The following NMNAT1 variants were observed in gnomAD, a reference collection of about 807,000 sequenced individuals.
The protein encoded by NMNAT1 is nicotinamide nucleotide adenylyltransferase 1, also known as nicotinamide/nicotinic acid mononucleotide adenylyltransferase 1.
Under a neutral mutation model 16.7 loss-of-function variants are expected in NMNAT1, and 11 were observed. The ratio of observed to expected loss-of-function variants is 0.66; its 90% confidence interval spans 0.41 to 1.09. The LOEUF is 1.09. NMNAT1 is among the 50% of genes least tolerant of loss of function. The pLI, the probability that NMNAT1 is intolerant of heterozygous loss-of-function variation, is 0.00. For missense variants in NMNAT1, 280 were observed against 332.3 expected (o/e 0.84, Z 1.22); for synonymous variants, 110 against 119.8 (o/e 0.92, Z 0.53).
the NMNAT1 span, among the ~76,000 whole-genome samples, chr1:9,996,309 CA>C: frequency 0.53 from 53,542 of 101,382 alleles, 10,375 homozygotes; most frequent in Middle Eastern, 0.65. Flanking sequence ...GACTCCGTCT[CA>C]AAAAAAAAAA....
downstream of NMNAT1, among the ~76,000 whole-genome samples, chr1:9,987,145 C>A (rs1557478659): frequency 6.6e-6 from 1 of 151,008 alleles, no homozygotes; most frequent in Non-Finnish European, 1.5e-5. Context: ...TTGCAGTGAG[C>A]CCTGATCATG....
At chr1:9,995,297 G>A in the NMNAT1 span, among the ~76,000 whole-genome samples, 1 of 152,036 alleles carries the variant, frequency 6.6e-6, no homozygotes, top group African/African-American at 2.4e-5. Context: ...TACTTAGAAG[G>A]CTGAGGCAGG....
At chr1:9,963,726 G>A (rs1305745588) in intron 1 of NMNAT1, among the ~76,000 whole-genome samples, 1 of 151,766 alleles carries the variant, frequency 6.6e-6, no homozygotes, top group Non-Finnish European at 1.5e-5. Flanking sequence ...TCTTTTTTGA[G>A]ATGTTTGTAA....
downstream of NMNAT1, among the ~76,000 whole-genome samples, chr1:9,988,165 CTT>C (rs1331578221): frequency 6.6e-6 from 1 of 151,854 alleles, no homozygotes. Flanking sequence ...GCCCAGCTAA[CTT>C]TTGTATTTTT....
chr1:9,991,185 ATTTT>A, the NMNAT1 span, among the ~76,000 whole-genome samples: 1 of 139,654 alleles, frequency 7.2e-6, no homozygotes. Flanking sequence ...AGTCAGCTGA[ATTTT>A]TTTTTTTTTT....
chr1:9,981,626 C>A, intron 4 of NMNAT1: 1 of 156,900 alleles, frequency 6.4e-6, no homozygotes, highest in South Asian at 1.7e-4. Flanking sequence ...CTGCCTTGGC[C>A]TCCCAAAGTG....
the NMNAT1 span, among the ~76,000 whole-genome samples, chr1:9,993,493 A>T: frequency 7.9e-5 from 12 of 151,972 alleles, no homozygotes; most frequent in Admixed American, 2.0e-4. Flanking sequence ...AAAAGAAAAG[A>T]AAAAAGAAAG....
intron 1 of NMNAT1, among the ~76,000 whole-genome samples, chr1:9,970,622 G>A (rs999214879): frequency 6.6e-6 from 1 of 151,616 alleles, no homozygotes; most frequent in Non-Finnish European, 1.5e-5. Flanking sequence ...CTGGGAGGCG[G>A]AGCTTGCAGT....
chr1:9,996,424 G>A, the NMNAT1 span, among the ~76,000 whole-genome samples: 1 of 152,072 alleles, frequency 6.6e-6, no homozygotes, highest in South Asian at 2.1e-4. Context: ...GGTGTTTGTG[G>A]CTAATGTTGT....
intron 1 of NMNAT1, among the ~76,000 whole-genome samples, chr1:9,948,521 C>G (rs1641030342): frequency 6.6e-6 from 1 of 152,086 alleles, no homozygotes; most frequent in Non-Finnish European, 1.5e-5. Context: ...GTGGAGGTTG[C>G]AGTGACTGTG....
At chr1:9,972,366 T>TGGGTGTG in intron 2 of NMNAT1, 178 bp downstream of exon 2, 1 of 494,130 alleles carries the variant, frequency 2.0e-6, no homozygotes, top group Non-Finnish European at 3.7e-6. Flanking sequence ...GAAAATTCAC[T>TGGGTGTG]GTGCCTGTAG....
chr1:9,993,107 TGGA>T, the NMNAT1 span, among the ~76,000 whole-genome samples: 1 of 152,000 alleles, frequency 6.6e-6, no homozygotes, highest in South Asian at 2.1e-4. Flanking sequence ...GTACTGCTGG[TGGA>T]GGAGTAGCCA....
chr1:9,992,186 G>A, the NMNAT1 span, among the ~76,000 whole-genome samples: 2 of 150,790 alleles, frequency 1.3e-5, no homozygotes, highest in Non-Finnish European at 2.9e-5. Context: ...AGGTTCAAGC[G>A]ATCGTCCCAC....
chr1:9,978,379 C>T lies in NMNAT1; in HGVS notation c.299+2604C>T, dbSNP rs149467894. ...TCAAAAAAAAAGATTACTTGTCAGG[C>T]TCCACAGTCCCAGGATGATGGCCTC... On this transcript the variant is annotated intron_variant, in intron 3 of 4. Coordinates refer to ENST00000377205, the MANE Select transcript of NMNAT1 (RefSeq NM_022787.4). Among the ~76,000 whole-genome samples the T allele has an allele frequency of 2.1e-3, 315 of 152,226 alleles. 1 individual carries two copies. Among genetic ancestry groups the T allele is most frequent in the African/African-American group, 7.3e-3 (305 of 41,550 alleles).
chr1:9,957,531 GA>G (rs552978388), intron 1 of NMNAT1, among the ~76,000 whole-genome samples: 130 of 140,570 alleles, frequency 9.2e-4, no homozygotes, highest in African/African-American at 3.3e-3. Flanking sequence ...TTGACCTCGT[GA>G]TCCACGCCTC....
chr1:9,975,596 G>T lies in NMNAT1; in HGVS notation c.120G>T (p.Arg40Ser). ...LAKDYMNGTG[R>S]YTVVKGIISP... ...GAAACCTAACTTTTTATCTAGGAAG[G>T]TACACAGTTGTCAAAGGCATCATCT... Residue 40 changes from arginine to serine, a missense_variant, in exon 3 of 5, where the codon AGG becomes AGT. Arg to Ser is a moderately radical substitution (Grantham distance 110). Transcript: ENST00000377205. 1 of 1,609,412 alleles carries T rather than the reference G, an allele frequency of 6.2e-7. No individual in the cohort carries two copies. Among genetic ancestry groups the T allele is most frequent in the Non-Finnish European group, 8.5e-7 (1 of 1,178,136 alleles).
At chr1:9,953,266 A>G (rs550560827) in intron 1 of NMNAT1, among the ~76,000 whole-genome samples, 11 of 146,818 alleles carry the variant, frequency 7.5e-5, no homozygotes, top group Non-Finnish European at 1.3e-4. Flanking sequence ...GGTGTGAGCC[A>G]CTGTGCGCGG....
At chr1:9,975,495 C>CA in intron 2 of NMNAT1, 97 bp from the exon 3 acceptor site, 1 of 1,071,722 alleles carries the variant, frequency 9.3e-7, no homozygotes, top group Middle Eastern at 3.2e-4. Context: ...GACTCTGTCT[C>CA]AAAAAACAAA....
At chr1:9,988,463 G>T (rs1280191829), downstream of NMNAT1, among the ~76,000 whole-genome samples, 5 of 152,032 alleles carry the variant, frequency 3.3e-5, no homozygotes, top group East Asian at 3.9e-4. Flanking sequence ...CACTTTGGGA[G>T]GCCAAGGCAT....
Sources: gnomAD v4.1 joint callset for allele counts (sites outside exome capture counted in the v4.1 genomes callset) on GRCh38, gnomAD v4.1.1 for gene constraint, MANE v1.5 for transcripts, NCBI Gene and HGNC (gene_info 2026-07-23, HGNC 2026-07-21) for gene names.